The following FABP6 variants were observed in gnomAD, a reference collection of about 807,000 sequenced individuals.
FABP6 encodes fatty acid binding protein 6, also known as gastrotropin.
A neutral mutation model predicts 14.9 loss-of-function variants in FABP6; 13 were observed. That is an observed-to-expected ratio of 0.87 (90% CI 0.57 to 1.39). The LOEUF (loss-of-function observed/expected upper bound fraction) is 1.39. FABP6 is among the 40% of genes most tolerant of loss of function. The pLI is 0.00. For synonymous variants in FABP6, 75 were observed against 63.6 expected (o/e 1.18, Z -0.85); for missense variants, 161 against 167.2 (o/e 0.96, Z 0.20).
intron 1 of FABP6, among the ~76,000 whole-genome samples, chr5:160,189,850 G>A (rs145574104): frequency 1.1e-4 from 16 of 152,314 alleles, no homozygotes; most frequent in Admixed American, 2.0e-4. Flanking sequence ...TGTATGCTCA[G>A]CAGAAGATGT....
At chr5:160,190,964 A>G (rs1223568931) in intron 1 of FABP6, among the ~76,000 whole-genome samples, 2 of 150,960 alleles carry the variant, frequency 1.3e-5, no homozygotes, top group Non-Finnish European at 3.0e-5. Context: ...TGAAAAAAAA[A>G]AAATTAGCCA....
At chr5:160,196,475 T>C (rs1759511729) in intron 1 of FABP6, 1 of 152,288 alleles carries the variant, frequency 6.6e-6, no homozygotes, top group African/African-American at 2.4e-5. Flanking sequence ...TCAGGTCTTG[T>C]AAGGTTTTGG....
At chr5:160,189,831 T>C (rs1467437473) in intron 1 of FABP6, among the ~76,000 whole-genome samples, 2 of 152,142 alleles carry the variant, frequency 1.3e-5, no homozygotes, top group South Asian at 2.1e-4. Context: ...CTTTGGGAAG[T>C]TGTTGGTATG....
intron 1 of FABP6, among the ~76,000 whole-genome samples, chr5:160,231,550 T>C (rs1298547887): frequency 6.6e-6 from 1 of 152,120 alleles, no homozygotes; most frequent in East Asian, 1.9e-4. Context: ...CCTGCCACCA[T>C]GCCCAGATAA....
intron 1 of FABP6, among the ~76,000 whole-genome samples, chr5:160,230,031 G>A (rs544552282): frequency 3.1e-5 from 3 of 96,246 alleles, no homozygotes; most frequent in South Asian, 4.9e-4. Context: ...GCACCACCAC[G>A]CCCGGCTAAT....
intron 3 of FABP6, among the ~76,000 whole-genome samples, chr5:160,216,907 G>A (rs145036459): frequency 1.2e-3 from 176 of 152,248 alleles, no homozygotes; most frequent in African/African-American, 4.1e-3. Flanking sequence ...TGGTTCTGAA[G>A]GCTACATGTA....
At chr5:160,198,970 GA>G in intron 1 of FABP6, 1 of 874,334 alleles carries the variant, frequency 1.1e-6, no homozygotes, top group Non-Finnish European at 1.8e-6. Context: ...CAATAAAATG[GA>G]TTGAATAGAC....
intron 1 of FABP6, among the ~76,000 whole-genome samples, chr5:160,195,433 C>T (rs1759490482): frequency 6.6e-6 from 1 of 152,152 alleles, no homozygotes; most frequent in African/African-American, 2.4e-5. Flanking sequence ...GGCTCTACTG[C>T]CAAGCCTCAA....
intron 1 of FABP6, among the ~76,000 whole-genome samples, chr5:160,187,640 A>G (rs1283773555): frequency 5.3e-5 from 8 of 152,078 alleles, no homozygotes; most frequent in Non-Finnish European, 8.8e-5. Context: ...GGAAGCTGGG[A>G]GCTGTGGGAA....
chr5:160,188,216 C>G (rs917805676), intron 1 of FABP6, among the ~76,000 whole-genome samples: 3 of 152,124 alleles, frequency 2.0e-5, no homozygotes, highest in African/African-American at 4.8e-5. Flanking sequence ...GCCAAGCACC[C>G]CAGGAATGCC....
chr5:160,215,293 C>A (rs1759986721), intron 3 of FABP6, among the ~76,000 whole-genome samples: 1 of 152,102 alleles, frequency 6.6e-6, no homozygotes, highest in South Asian at 2.1e-4. Flanking sequence ...GTGGGCGGAT[C>A]ACCTGAGGTC....
chr5:160,213,415 G>A (rs1759935524), intron 2 of FABP6, among the ~76,000 whole-genome samples: 1 of 152,200 alleles, frequency 6.6e-6, no homozygotes, highest in Non-Finnish European at 1.5e-5. Context: ...TCCGCATGCA[G>A]TGCTACCCTT....
chr5:160,206,437 A>G (rs1759767156), intron 2 of FABP6, among the ~76,000 whole-genome samples: 1 of 152,190 alleles, frequency 6.6e-6, no homozygotes, highest in Non-Finnish European at 1.5e-5. Flanking sequence ...CAAAAAAAAC[A>G]AAAAAGCAAA....
chr5:160,193,493 A>G (rs1759444526), intron 1 of FABP6, among the ~76,000 whole-genome samples: 2 of 151,862 alleles, frequency 1.3e-5, no homozygotes, highest in South Asian at 2.1e-4. Context: ...ATTTGGCCCC[A>G]CCCACATCCT....
chr5:160,215,285 G>T (rs1256712549), intron 3 of FABP6, among the ~76,000 whole-genome samples: 1 of 152,088 alleles, frequency 6.6e-6, no homozygotes, highest in Non-Finnish European at 1.5e-5. Context: ...AGGACAAGGT[G>T]GGCGGATCAC....
upstream of FABP6, among the ~76,000 whole-genome samples, chr5:160,228,047 G>A (rs1002874111): frequency 6.6e-6 from 1 of 152,060 alleles, no homozygotes; most frequent in African/African-American, 2.4e-5. Context: ...GGAGATTCAT[G>A]GAGAGCAAGC....
intron 3 of FABP6, among the ~76,000 whole-genome samples, chr5:160,236,105 C>G (rs1356361619): frequency 2.0e-5 from 3 of 151,784 alleles, no homozygotes; most frequent in African/African-American, 7.3e-5. Context: ...AACCTCCGCC[C>G]TCAGGTTCAA....
At chr5:160,226,521 A>G (rs1426157309), upstream of FABP6, among the ~76,000 whole-genome samples, 1 of 143,360 alleles carries the variant, frequency 7.0e-6, no homozygotes, top group Non-Finnish European at 1.5e-5. Context: ...AGATCGCCCC[A>G]TGAGACTGTC....
intron 3 of FABP6, among the ~76,000 whole-genome samples, chr5:160,216,267 G>A (rs1760010727): frequency 6.9e-6 from 1 of 145,414 alleles, no homozygotes; most frequent in Non-Finnish European, 1.5e-5. Context: ...AGTTCTCATT[G>A]TAATTTTTTT....
Sources: gnomAD v4.1 joint callset for allele counts (sites outside exome capture counted in the v4.1 genomes callset) on GRCh38, gnomAD v4.1.1 for gene constraint, MANE v1.5 for transcripts, NCBI Gene and HGNC (gene_info 2026-07-23, HGNC 2026-07-21) for gene names.